The following STK3 variants were observed in gnomAD, a reference collection of about 807,000 sequenced individuals.
STK3 encodes serine/threonine-protein kinase 3.
A neutral mutation model predicts 58.0 loss-of-function variants in STK3; 41 were observed. That is an observed-to-expected ratio of 0.71 (90% confidence interval 0.55 to 0.92). The LOEUF (loss-of-function observed/expected upper bound fraction) is 0.92. STK3 is among the 40% of genes least tolerant of loss of function. STK3 has a pLI of 0.00. For missense variants in STK3, 479 were observed against 602.7 expected (o/e 0.79, Z 2.15); for synonymous variants, 170 against 191.0 (o/e 0.89, Z 0.91).
chr8:98,863,445 T>A (rs1462875141), intron 3 of STK3, among the ~76,000 whole-genome samples: 3 of 151,980 alleles, frequency 2.0e-5, no homozygotes, highest in Admixed American at 1.3e-4. Flanking sequence ...ATAATAGAGA[T>A]AACAGTAGCA....
intron 8 of STK3, among the ~76,000 whole-genome samples, chr8:98,562,765 A>AAG (rs1812159924): frequency 6.8e-6 from 1 of 146,362 alleles, no homozygotes; most frequent in Non-Finnish European, 1.5e-5. Context: ...AAAAAAAAAA[A>AAG]GTCAGGCCTG....
At chr8:98,938,991 G>A (rs1840294761) in intron 1 of STK3, among the ~76,000 whole-genome samples, 2 of 152,240 alleles carry the variant, frequency 1.3e-5, no homozygotes, top group South Asian at 4.2e-4. Flanking sequence ...GAAGGCACCC[G>A]CACTTTTTCT....
intron 3 of STK3, among the ~76,000 whole-genome samples, chr8:98,406,448 C>A (rs1213955216): frequency 1.3e-5 from 2 of 152,022 alleles, no homozygotes; most frequent in Non-Finnish European, 2.9e-5. Flanking sequence ...CCCCTACTCC[C>A]AACCTCCCCC....
At chr8:98,780,109 T>C (rs916150498) in intron 1 of STK3, among the ~76,000 whole-genome samples, 14 of 151,676 alleles carry the variant, frequency 9.2e-5, no homozygotes, top group African/African-American at 3.1e-4. Flanking sequence ...ATCACTATTG[T>C]CATAACTATA....
At chr8:98,933,473 C>CT (rs1840076441) in intron 1 of STK3, among the ~76,000 whole-genome samples, 2 of 152,060 alleles carry the variant, frequency 1.3e-5, no homozygotes, top group South Asian at 4.1e-4. Context: ...ACTATATGTC[C>CT]TTTTTCTTTT....
chr8:98,372,528 C>T (rs1817621374), intron 2 of STK3, among the ~76,000 whole-genome samples: 1 of 110,546 alleles, frequency 9.0e-6, no homozygotes, highest in Admixed American at 9.3e-5. Flanking sequence ...ACCTGAACAC[C>T]CAGTGGTTTT....
chr8:98,451,487 A>C (rs1247685993), downstream of STK3, among the ~76,000 whole-genome samples: 1 of 152,214 alleles, frequency 6.6e-6, no homozygotes, highest in Non-Finnish European at 1.5e-5. Context: ...TTCTGTGAGC[A>C]GAAAAGCAAT....
chr8:98,693,752 T>C (rs139587688), intron 6 of STK3, among the ~76,000 whole-genome samples: 250 of 152,298 alleles, frequency 1.6e-3, no homozygotes, highest in Non-Finnish European at 3.0e-3. Flanking sequence ...CAGCAGGGAC[T>C]GGGAGATGGA....
chr8:98,632,153 A>G (rs1320608186), intron 6 of STK3, among the ~76,000 whole-genome samples: 3 of 152,188 alleles, frequency 2.0e-5, no homozygotes, highest in Admixed American at 6.5e-5. Context: ...AAATCCATAA[A>G]CCTCGCAAAG....
chr8:98,749,240 G>A, intron 4 of STK3, 36 bp downstream of exon 4: 1 of 1,409,160 alleles, frequency 7.1e-7, no homozygotes, highest in Non-Finnish European at 9.9e-7. Flanking sequence ...TCAATCTTTA[G>A]AAATGATATT....
chr8:98,535,880 G>GC (rs1239890785), intron 9 of STK3, among the ~76,000 whole-genome samples: 4 of 152,086 alleles, frequency 2.6e-5, no homozygotes, highest in Admixed American at 2.6e-4. Context: ...GGCTGAGCAG[G>GC]CATTTCCTTT....
intron 7 of STK3, among the ~76,000 whole-genome samples, chr8:98,581,662 G>C (rs1458932376): frequency 6.6e-6 from 1 of 151,578 alleles, no homozygotes; most frequent in Non-Finnish European, 1.5e-5. Flanking sequence ...CTGCTTGAAA[G>C]AGCAGGTTTT....
intron 1 of STK3, among the ~76,000 whole-genome samples, chr8:98,780,665 A>T (rs1425957104): frequency 6.6e-6 from 1 of 152,080 alleles, no homozygotes; most frequent in Non-Finnish European, 1.5e-5. Flanking sequence ...ACAGGGGAAA[A>T]AAAAAACAGT....
intron 1 of STK3, among the ~76,000 whole-genome samples, chr8:98,796,964 T>G (rs1234794816): frequency 6.6e-6 from 1 of 152,212 alleles, no homozygotes; most frequent in African/African-American, 2.4e-5. Context: ...ATTTCTGGAC[T>G]GATAGTGAGC....
At chr8:98,424,971 C>G (rs1818211876) in intron 3 of STK3, among the ~76,000 whole-genome samples, 1 of 152,188 alleles carries the variant, frequency 6.6e-6, no homozygotes, top group African/African-American at 2.4e-5. Flanking sequence ...GAAGGCTGTC[C>G]CGTAGGTGCT....
At chr8:98,407,466 C>T (rs945886132) in intron 3 of STK3, among the ~76,000 whole-genome samples, 4 of 152,196 alleles carry the variant, frequency 2.6e-5, no homozygotes, top group South Asian at 2.1e-4. Flanking sequence ...AAACGCCATG[C>T]GTAAGTCAGC....
chr8:98,815,932 A>G (rs1834512750), intron 1 of STK3, among the ~76,000 whole-genome samples: 2 of 152,206 alleles, frequency 1.3e-5, no homozygotes, highest in Admixed American at 6.5e-5. Flanking sequence ...ACATCACAAA[A>G]AAGAAAGACA....
intron 8 of STK3, among the ~76,000 whole-genome samples, chr8:98,556,493 A>T (rs1182668339): frequency 1.3e-5 from 2 of 152,130 alleles, no homozygotes; most frequent in Non-Finnish European, 2.9e-5. Context: ...ATCTTGGGGT[A>T]AAATTAGGGA....
chr8:98,498,592 C>T (rs1037692107), intron 10 of STK3, among the ~76,000 whole-genome samples: 5 of 152,134 alleles, frequency 3.3e-5, no homozygotes, highest in Admixed American at 1.3e-4. Context: ...AGTTTATGAA[C>T]CTAAATTGCT....
Sources: allele counts gnomAD v4.1 joint callset (sites outside exome capture counted in the v4.1 genomes callset), GRCh38; gene constraint gnomAD v4.1.1; transcripts MANE v1.5; gene names NCBI Gene and HGNC (gene_info 2026-07-23, HGNC 2026-07-21).